The following WNK1 variants were observed in gnomAD, a reference collection of about 807,000 sequenced individuals.
WNK1 encodes the protein serine/threonine-protein kinase WNK1.
WNK1 carries 38 observed loss-of-function variants against 222.8 expected under a neutral mutation model. That is an observed-to-expected ratio of 0.17 (90% CI 0.13 to 0.22). The LOEUF is 0.22. Among genes scored for constraint, WNK1 ranks in the 10% least tolerant of loss-of-function variants. The pLI, the probability that WNK1 is intolerant of heterozygous loss-of-function variation, is 1.00. For missense variants in WNK1, 2,348 were observed against 2,918.4 expected (o/e 0.80, Z 4.50); for synonymous variants, 1,090 against 1,092.9 (o/e 1.00, Z 0.05).
chr12:767,630 C>T (rs1346537059), intron 1 of WNK1, among the ~76,000 whole-genome samples: 4 of 152,094 alleles, frequency 2.6e-5, no homozygotes, highest in Non-Finnish European at 5.9e-5. Flanking sequence ...GACTTTAATT[C>T]TCCTGTCTTT....
At chr12:766,275 A>T (rs980566000) in intron 1 of WNK1, among the ~76,000 whole-genome samples, 2 of 152,212 alleles carry the variant, frequency 1.3e-5, no homozygotes, top group African/African-American at 4.8e-5. Context: ...AATAAAAATT[A>T]AAAAATAAAA....
rs532208719 is a variant in WNK1 at position 805,957 on chromosome 12, A to G, written c.760-7685A>G. Among the ~76,000 whole-genome samples the G allele has an allele frequency of 4.6e-5, 7 of 152,302 alleles. 1 individual carries two copies. Among genetic ancestry groups the G allele is most frequent in the Admixed American group, 3.9e-4 (6 of 15,304 alleles). ...AATTCTTTTCGCCACCTCTGATAAT[A>G]TCGATAGTCCAAAATTAAGAAAATG... On this transcript the variant is annotated intron_variant, in intron 1 of 27. Transcript: ENST00000315939.
At chr12:882,231 C>G (rs921486245) in intron 14 of WNK1, among the ~76,000 whole-genome samples, 158 bp downstream of exon 14, 45 of 152,076 alleles carry the variant, frequency 3.0e-4, no homozygotes, top group African/African-American at 1.0e-3. Flanking sequence ...GAGTCTCGCT[C>G]TGTCGCCCAG....
intron 4 of WNK1, among the ~76,000 whole-genome samples, chr12:832,007 G>T (rs1948832178): frequency 6.6e-6 from 1 of 151,880 alleles, no homozygotes; most frequent in Non-Finnish European, 1.5e-5. Flanking sequence ...TATAGAAGAT[G>T]TAATTATCAA....
chr12:781,834 T>A (rs1455980309), intron 1 of WNK1, among the ~76,000 whole-genome samples: 1 of 152,160 alleles, frequency 6.6e-6, no homozygotes, highest in African/African-American at 2.4e-5. Context: ...TTTGAGAACT[T>A]AAATTAAAAT....
intron 2 of WNK1, among the ~76,000 whole-genome samples, chr12:821,426 C>T (rs1947869832): frequency 6.6e-6 from 1 of 152,152 alleles, no homozygotes; most frequent in Admixed American, 6.5e-5. Flanking sequence ...TTTGGTAGAA[C>T]TCATCAATGA....
At chr12:791,824 C>G (rs1200060174) in intron 1 of WNK1, among the ~76,000 whole-genome samples, 1 of 151,808 alleles carries the variant, frequency 6.6e-6, no homozygotes, top group African/African-American at 2.4e-5. Context: ...TCTTTTTAGC[C>G]TTTTTATTTT....
At chr12:771,676 C>T (rs1162978612) in intron 1 of WNK1, among the ~76,000 whole-genome samples, 1 of 152,172 alleles carries the variant, frequency 6.6e-6, no homozygotes, top group African/African-American at 2.4e-5. Flanking sequence ...CTCAGGTGAT[C>T]TGCCCGCCTC....
intron 4 of WNK1, among the ~76,000 whole-genome samples, chr12:839,555 T>C (rs1949456830): frequency 6.6e-6 from 1 of 152,192 alleles, no homozygotes; most frequent in African/African-American, 2.4e-5. Flanking sequence ...TTTGTTTTTT[T>C]CCACTTAACA....
intron 4 of WNK1, among the ~76,000 whole-genome samples, chr12:847,880 C>T (rs1323370413): frequency 7.3e-6 from 1 of 137,812 alleles, no homozygotes; most frequent in Non-Finnish European, 1.5e-5. Context: ...GATCTTGGCT[C>T]ACTGCAACCT....
At chr12:875,543 C>G (rs1952529238) in intron 9 of WNK1, among the ~76,000 whole-genome samples, 2 of 151,998 alleles carry the variant, frequency 1.3e-5, no homozygotes, top group Non-Finnish European at 2.9e-5. Context: ...ATTCTGAGGA[C>G]TGTATGTGAT....
chr12:826,277 A>T (rs1398528505), intron 2 of WNK1, among the ~76,000 whole-genome samples: 1 of 152,232 alleles, frequency 6.6e-6, no homozygotes, highest in African/African-American at 2.4e-5. Flanking sequence ...TAGTTAATCT[A>T]CATTTGAGTA....
intron 2 of WNK1, among the ~76,000 whole-genome samples, chr12:822,465 A>G (rs1365171171): frequency 6.6e-6 from 1 of 151,928 alleles, no homozygotes; most frequent in South Asian, 2.1e-4. Context: ...CTACCTTTTT[A>G]AATGTATTTA....
intron 1 of WNK1, among the ~76,000 whole-genome samples, chr12:810,732 G>A (rs888150403): frequency 6.6e-6 from 1 of 152,222 alleles, no homozygotes; most frequent in Non-Finnish European, 1.5e-5. Flanking sequence ...GACGGAAGAT[G>A]TGCAAATGGT....
chr12:891,675 A>T (rs905195653), intron 22 of WNK1, among the ~76,000 whole-genome samples: 11 of 149,190 alleles, frequency 7.4e-5, no homozygotes, highest in African/African-American at 2.7e-4. Flanking sequence ...TTAAGGCATC[A>T]GTTCTTGGAG....
At chr12:839,058 A>G (rs1949419738) in intron 4 of WNK1, among the ~76,000 whole-genome samples, 1 of 152,246 alleles carries the variant, frequency 6.6e-6, no homozygotes, top group African/African-American at 2.4e-5. Flanking sequence ...TTACAATACA[A>G]TAGAAAACAC....
At chr12:765,038 T>C (rs1392066780) in intron 1 of WNK1, among the ~76,000 whole-genome samples, 1 of 148,030 alleles carries the variant, frequency 6.8e-6, no homozygotes, top group Admixed American at 6.7e-5. Flanking sequence ...TTTTGCCATG[T>C]TGGCCAGGCT....
chr12:828,609 G>A (rs1212077496), intron 3 of WNK1, among the ~76,000 whole-genome samples: 1 of 152,074 alleles, frequency 6.6e-6, no homozygotes, highest in Non-Finnish European at 1.5e-5. Context: ...CCAAAAGTGT[G>A]TCCAGACATT....
chr12:760,727 C>T (rs1480197683), intron 1 of WNK1, among the ~76,000 whole-genome samples: 1 of 146,530 alleles, frequency 6.8e-6, no homozygotes, highest in African/African-American at 2.4e-5. Flanking sequence ...ATGATTATGC[C>T]TTTGACAGGT....
Sources: gnomAD v4.1 joint callset for allele counts (sites outside exome capture counted in the v4.1 genomes callset) on GRCh38, gnomAD v4.1.1 for gene constraint, MANE v1.5 for transcripts, NCBI Gene and HGNC (gene_info 2026-07-23, HGNC 2026-07-21) for gene names.